CIRSR: variants seen among roughly 807,000 people sequenced by gnomAD.
CIRSR encodes the protein CBF1 (RBPJ) interacting corepressor 1.
At chr2:174,378,929 C>T in the CIRSR span, 1 of 1,609,092 alleles carries the variant, frequency 6.2e-7, no homozygotes, top group Non-Finnish European at 8.5e-7. Flanking sequence ...CTACCTGAGC[C>T]ATCAGTGGGA....
chr2:174,368,970 G>A, the CIRSR span, among the ~76,000 whole-genome samples: 5 of 152,142 alleles, frequency 3.3e-5, no homozygotes, highest in Non-Finnish European at 7.4e-5. Context: ...ATGAACATTG[G>A]CTTCAGAAAT....
the CIRSR span, among the ~76,000 whole-genome samples, chr2:174,392,357 C>T: frequency 6.6e-6 from 1 of 152,134 alleles, no homozygotes; most frequent in Non-Finnish European, 1.5e-5. Context: ...GATTACTTAA[C>T]TCCATGAATA....
At chr2:174,392,743 A>G in the CIRSR span, among the ~76,000 whole-genome samples, 54 of 152,366 alleles carry the variant, frequency 3.5e-4, no homozygotes, top group African/African-American at 1.3e-3. Flanking sequence ...ATTTCTACCC[A>G]TATGAGATAG....
chr2:174,388,821 A>G, the CIRSR span, among the ~76,000 whole-genome samples: 2 of 152,204 alleles, frequency 1.3e-5, no homozygotes, highest in African/African-American at 4.8e-5. Flanking sequence ...GTGTCATGGG[A>G]GGGACCCGGT....
At chr2:174,384,247 T>C in the CIRSR span, among the ~76,000 whole-genome samples, 1 of 152,226 alleles carries the variant, frequency 6.6e-6, no homozygotes, top group Non-Finnish European at 1.5e-5. Context: ...GGACACATTA[T>C]ACTAAGTGAA....
chr2:174,352,013 T>C, the CIRSR span: 2 of 230,570 alleles, frequency 8.7e-6, no homozygotes, highest in Non-Finnish European at 1.7e-5. Flanking sequence ...GTTTTTAGTA[T>C]AAAATCAAAG....
the CIRSR span, among the ~76,000 whole-genome samples, chr2:174,371,855 T>C: frequency 6.6e-6 from 1 of 152,234 alleles, no homozygotes; most frequent in Admixed American, 6.5e-5. Context: ...CCCAGGAGTG[T>C]GATTATCCCA....
the CIRSR span, among the ~76,000 whole-genome samples, chr2:174,364,336 T>A: frequency 6.6e-6 from 1 of 152,218 alleles, no homozygotes; most frequent in Non-Finnish European, 1.5e-5. Flanking sequence ...ATAGCCTCCC[T>A]CCTGGCTGCT....
At chr2:174,354,588 TATCATATA>T in the CIRSR span, among the ~76,000 whole-genome samples, 4 of 16,990 alleles carry the variant, frequency 2.4e-4, no homozygotes, top group South Asian at 8.0e-3. Context: ...ATATTATATA[TATCATATA>T]ATATATATTA....
chr2:174,389,132 T>C, the CIRSR span, among the ~76,000 whole-genome samples: 1 of 152,216 alleles, frequency 6.6e-6, no homozygotes, highest in Admixed American at 6.5e-5. Context: ...GCTAAAAGGA[T>C]ACCCGAAAAT....
chr2:174,349,275 T>C, the CIRSR span: 337 of 765,714 alleles, frequency 4.4e-4, 2 homozygotes, highest in East Asian at 9.2e-3. Flanking sequence ...TTATTAAAAA[T>C]AGTATCCATG....
the CIRSR span, among the ~76,000 whole-genome samples, chr2:174,394,589 T>A: frequency 6.6e-6 from 1 of 152,170 alleles, no homozygotes; most frequent in African/African-American, 2.4e-5. Context: ...TTTCAAGGTG[T>A]ATCTGTGTTA....
At chr2:174,377,707 G>C in the CIRSR span, among the ~76,000 whole-genome samples, 1 of 151,024 alleles carries the variant, frequency 6.6e-6, no homozygotes, top group South Asian at 2.1e-4. Flanking sequence ...GGTAGTCTCA[G>C]CTAGCTACTC....
At chr2:174,382,356 C>T in the CIRSR span, among the ~76,000 whole-genome samples, 2 of 152,038 alleles carry the variant, frequency 1.3e-5, no homozygotes, top group Non-Finnish European at 2.9e-5. Context: ...TAAAAGTCTG[C>T]AGCTGGGCAC....
At chr2:174,389,067 T>C in the CIRSR span, among the ~76,000 whole-genome samples, 2 of 152,300 alleles carry the variant, frequency 1.3e-5, no homozygotes, top group Non-Finnish European at 2.9e-5. Flanking sequence ...CATTTCTTCA[T>C]AGCAGCGTGA....
At chr2:174,367,811 C>G in the CIRSR span, among the ~76,000 whole-genome samples, 1 of 134,642 alleles carries the variant, frequency 7.4e-6, no homozygotes, top group East Asian at 2.4e-4. Flanking sequence ...AACTACCCAA[C>G]TATATGTTAT....
the CIRSR span, among the ~76,000 whole-genome samples, chr2:174,376,049 T>A: frequency 6.6e-6 from 1 of 152,014 alleles, no homozygotes; most frequent in Non-Finnish European, 1.5e-5. Context: ...TTTGTAGAGA[T>A]GGGGTTTCAT....
the CIRSR span, among the ~76,000 whole-genome samples, chr2:174,356,520 A>G: frequency 6.9e-6 from 1 of 144,400 alleles, no homozygotes; most frequent in African/African-American, 2.5e-5. Flanking sequence ...AGGAAGAAAG[A>G]AAGAAAGAAG....
chr2:174,358,224 A>C, the CIRSR span: 6 of 152,154 alleles, frequency 3.9e-5, no homozygotes, highest in African/African-American at 1.4e-4. Context: ...TTACACAATG[A>C]AGATATTTTA....
Sources: allele counts gnomAD v4.1 joint callset (sites outside exome capture counted in the v4.1 genomes callset), GRCh38; gene constraint gnomAD v4.1.1; transcripts MANE v1.5; gene names NCBI Gene and HGNC (gene_info 2026-07-23, HGNC 2026-07-21).